The following ADD1 variants were observed in gnomAD, a reference collection of about 807,000 sequenced individuals.
ADD1 encodes adducin 1, also known as alpha-adducin.
Under a neutral mutation model 80.5 loss-of-function variants are expected in ADD1, and 24 were observed. The observed-to-expected ratio is 0.30, with a 90% confidence interval of 0.22 to 0.42. ADD1 has a LOEUF of 0.42. Ranked by LOEUF, ADD1 falls within the 10% of genes least tolerant of loss-of-function variation. ADD1 has a pLI of 1.00. For synonymous variants in ADD1, 373 were observed against 393.8 expected, an observed-to-expected ratio of 0.95 and a Z score of 0.63; for missense variants, 948 against 1,019.0, an observed-to-expected ratio of 0.93 and a Z score of 0.95.
At chr4:2,916,162 ATAT>A (rs71662749) in intron 14 of ADD1, among the ~76,000 whole-genome samples, 28,105 of 140,706 alleles carry the variant, frequency 0.2, 2,843 homozygotes, top group Admixed American at 0.25. Flanking sequence ...GCCAGCATGC[ATAT>A]TATTATTATT....
At chr4:2,899,514 T>C (rs778323033) in intron 9 of ADD1, 79 bp downstream of exon 9, 4 of 1,510,850 alleles carry the variant, frequency 2.6e-6, no homozygotes, top group African/African-American at 2.7e-5. Flanking sequence ...GCAAGTGCGA[T>C]TGCTGTCTTT....
chr4:2,880,459 CTTTCTTTTTTT>C (rs1342579763), intron 2 of ADD1, among the ~76,000 whole-genome samples: 1 of 78,934 alleles, frequency 1.3e-5, no homozygotes, highest in Non-Finnish European at 2.7e-5. Flanking sequence ...ATATTTCTTT[CTTTCTTTTTTT>C]TTTTTTTTTT....
chr4:2,928,105 C>G, intron 15 of ADD1, 66 bp from the exon 16 acceptor site: 1 of 1,399,564 alleles, frequency 7.1e-7, no homozygotes. Flanking sequence ...GGGGCTCCCC[C>G]ATCTCAAGCT....
At chr4:2,852,207 C>CCTTCTTTCCTTTCTTTCCTTTCCTTT (rs1727294915) in intron 1 of ADD1, among the ~76,000 whole-genome samples, 1 of 66,102 alleles carries the variant, frequency 1.5e-5, no homozygotes, top group African/African-American at 6.0e-5. Flanking sequence ...TCCTTTCTTT[C>CCTTCTTTCCTTTCTTTCCTTTCCTTT]CTTTCCTTTC....
rs371284874 is a variant in ADD1 at position 2,928,309 on chromosome 4, C to G, written c.2186C>G (p.Pro729Arg). Residue 729 changes from proline (P) to arginine (R), a missense_variant, in exon 16 of 16, where the codon CCC becomes CGC. Pro to Arg is a moderately radical substitution (Grantham distance 103, BLOSUM62 -2). Coordinates refer to ENST00000683351, the MANE Select transcript of ADD1 (RefSeq NM_001354761.2). Reference protein sequence around the residue: ...MLEKEEEAHRPPSPTEAPTEA... With the variant: ...MLEKEEEAHRRPSPTEAPTEA... ...GAGAAGGAGGAGGAAGCCCATAGAC[C>G]CCCAAGCCCCACTGAGGCCCCTACT... 321 of 1,614,044 alleles carry G rather than the reference C, an allele frequency of 2.0e-4. 3 individuals are homozygous for G. In the South Asian group the frequency reaches 3.2e-3, roughly 16 times the overall value.
At chr4:2,852,761 C>T (rs1033850388) in intron 1 of ADD1, among the ~76,000 whole-genome samples, 14 of 142,756 alleles carry the variant, frequency 9.8e-5, no homozygotes, top group Admixed American at 7.3e-5. Context: ...TGCAGCGGTG[C>T]GATCTTGGCT....
At chr4:2,909,236 G>GTTGT in intron 12 of ADD1, 103 bp from the exon 13 acceptor site, 1 of 951,708 alleles carries the variant, frequency 1.1e-6, no homozygotes, top group Non-Finnish European at 1.6e-6. Context: ...ACTGTTGACA[G>GTTGT]CTGTCCCTGC....
At chr4:2,846,816 T>TAAAAA (rs761045902) in intron 1 of ADD1, among the ~76,000 whole-genome samples, 1 of 117,618 alleles carries the variant, frequency 8.5e-6, no homozygotes. Context: ...TCTGTCTCTT[T>TAAAAA]AAAAAAAAAA....
chr4:2,881,799 G>C (rs1348712372), intron 2 of ADD1, 99 bp from the exon 3 acceptor site: 4 of 1,053,870 alleles, frequency 3.8e-6, no homozygotes, highest in Non-Finnish European at 5.3e-6. Flanking sequence ...TCCAGCACTG[G>C]ATGAAAACAA....
At chr4:2,891,402 G>A (rs905179528) in intron 4 of ADD1, among the ~76,000 whole-genome samples, 8 of 151,894 alleles carry the variant, frequency 5.3e-5, no homozygotes, top group Non-Finnish European at 1.0e-4. Flanking sequence ...AGCTGAGATC[G>A]TGCCCCTGCA....
chr4:2,882,923 T>C (rs1732604143), intron 3 of ADD1, among the ~76,000 whole-genome samples: 1 of 152,194 alleles, frequency 6.6e-6, no homozygotes, highest in African/African-American at 2.4e-5. Flanking sequence ...TGCAGTGGCA[T>C]GATCTCAGCT....
intron 10 of ADD1, chr4:2,905,319 A>C: frequency 1.7e-6 from 1 of 583,070 alleles, no homozygotes. Context: ...ATGTAATGTA[A>C]CTCCGCAGTA....
At chr4:2,925,987 T>C (rs968970785) in intron 14 of ADD1, 27 bp from the exon 15 acceptor site, 6 of 1,606,658 alleles carry the variant, frequency 3.7e-6, no homozygotes, top group South Asian at 1.1e-5. Context: ...CCACAGCTCC[T>C]ACCATATCCT....
chr4:2,927,030 C>T (rs2109233519), intron 15 of ADD1, among the ~76,000 whole-genome samples: 1 of 152,356 alleles, frequency 6.6e-6, no homozygotes, highest in Non-Finnish European at 1.5e-5. Context: ...TGGGGTTCTG[C>T]CACCTGCCGT....
chr4:2,876,708 G>A (rs1731360171), intron 2 of ADD1, among the ~76,000 whole-genome samples: 1 of 151,960 alleles, frequency 6.6e-6, no homozygotes, highest in Non-Finnish European at 1.5e-5. Flanking sequence ...GCGTAGTGGC[G>A]GGCGCCTGTA....
At position 2,876,000 on chromosome 4, in the gene ADD1, G is replaced by T. The variant is rs374139420; in HGVS notation, c.85G>T (p.Asp29Tyr). The change falls in exon 2 of 16, where the codon GAT (aspartate) becomes TAT (tyrosine). Residue 29 changes from aspartate to tyrosine, a missense_variant. Coordinates refer to ENST00000683351, the MANE Select transcript of ADD1 (RefSeq NM_001354761.2). ...CAAGGAGAGGTACTTCGACCGAGTAGATGAGAACAACCCAGAGTACTTGAG... is the reference window on the plus strand; with the variant it reads ...CAAGGAGAGGTACTTCGACCGAGTATATGAGAACAACCCAGAGTACTTGAG... ...PHKERYFDRV[D>Y]ENNPEYLRER... The T allele has an allele frequency of 3.1e-6, 5 of 1,614,040 alleles. No homozygotes were observed. In the African/African-American group the frequency reaches 5.3e-5, roughly 17 times the overall value.
At chr4:2,880,898 T>G (rs1732201591) in intron 2 of ADD1, among the ~76,000 whole-genome samples, 2 of 152,110 alleles carry the variant, frequency 1.3e-5, no homozygotes, top group African/African-American at 4.8e-5. Context: ...TTGCACTTTT[T>G]TTTGCCTGAT....
intron 1 of ADD1, among the ~76,000 whole-genome samples, chr4:2,848,776 C>T (rs1726637635): frequency 1.3e-5 from 2 of 152,276 alleles, no homozygotes; most frequent in Admixed American, 1.3e-4. Context: ...TGCACCTGAC[C>T]TGTTTCCAGG....
At chr4:2,915,920 G>A (rs903716819) in intron 14 of ADD1, among the ~76,000 whole-genome samples, 4 of 152,140 alleles carry the variant, frequency 2.6e-5, no homozygotes, top group Admixed American at 6.5e-5. Flanking sequence ...AAGAGTCTGC[G>A]CGCCATACTA....
Sources: allele counts gnomAD v4.1 joint callset (sites outside exome capture counted in the v4.1 genomes callset), GRCh38; gene constraint gnomAD v4.1.1; transcripts MANE v1.5; gene names NCBI Gene and HGNC (gene_info 2026-07-23, HGNC 2026-07-21).